The following ITGA4 variants were observed in gnomAD, a reference collection of about 807,000 sequenced individuals.
ITGA4 encodes integrin alpha-4.
A neutral mutation model predicts 133.6 loss-of-function variants in ITGA4; 63 were observed. The observed-to-expected ratio is 0.47, with a 90% CI of 0.38 to 0.58. The LOEUF is 0.58. Among genes scored for constraint, ITGA4 ranks in the 20% least tolerant of loss-of-function variants. The pLI, the probability that ITGA4 is intolerant of heterozygous loss-of-function variation, is 0.00. For missense variants in ITGA4, 1,076 were observed against 1,252.7 expected, an observed-to-expected ratio of 0.86 and a Z score of 2.13; for synonymous variants, 483 against 438.0, an observed-to-expected ratio of 1.10 and a Z score of -1.28.
rs1559033326 is a variant in ITGA4, at chr2:181,457,767, CTG to C, written c.114_115del (p.Ser40ArgfsTer68). The C allele has an allele frequency of 6.2e-7, 1 of 1,613,706 alleles. No homozygotes were observed. Among genetic ancestry groups the C allele is most frequent in the East Asian group, 2.2e-5 (1 of 44,860 alleles). ...ACCGGCCGCCCCTACAACGTGGACA[CTG>C]AGAGCGCGCTGCTTTACCAGGGCCC... is the stretch of plus-strand genomic sequence containing the variant. On this transcript the variant is annotated frameshift_variant, in exon 1 of 28. Coordinates refer to ENST00000397033, the MANE Select transcript of ITGA4 (RefSeq NM_000885.6). LOFTEE classifies it high-confidence loss of function.
At chr2:181,533,611 T>C (rs1686991777) in intron 25 of ITGA4, among the ~76,000 whole-genome samples, 1 of 152,166 alleles carries the variant, frequency 6.6e-6, no homozygotes, top group Non-Finnish European at 1.5e-5. Context: ...GACTGTCCCT[T>C]AGGTGATAAA....
At chr2:181,534,557 C>G (rs1267228052) in intron 26 of ITGA4, among the ~76,000 whole-genome samples, 187 bp downstream of exon 26, 2 of 152,020 alleles carry the variant, frequency 1.3e-5, no homozygotes, top group Non-Finnish European at 2.9e-5. Flanking sequence ...TACAGCAGTT[C>G]TTTCAGAGAG....
rs1559062444 is a variant in ITGA4 at position 181,536,937 on chromosome 2, T to C, written c.*1410T>C. ...AAAACAATTCTGGGAAAGATTTCTT[T>C]ATATGAAGTCCCTGCCACTAGCCAG... On this transcript the variant is annotated 3_prime_UTR_variant, in exon 28 of 28. Coordinates refer to ENST00000397033, the MANE Select transcript of ITGA4 (RefSeq NM_000885.6). 3 of 453,638 alleles carry C rather than the reference T, an allele frequency of 6.6e-6. 1 individual carries two copies. The Admixed American group carries it at 7.1e-5, about 11-fold the overall frequency. 28.1% of individuals were successfully genotyped at this position (453,638 alleles called of 1,614,324 possible). A position where few individuals can be genotyped will look rare whatever the true frequency, so the allele number is the denominator to read the frequency against.
Position 181,537,326 on chromosome 2 carries a change from A to ACTATGGTTGT in ITGA4, c.*1801_*1810dup, listed in dbSNP as rs1456639535. The ACTATGGTTGT allele has an allele frequency of 1.1e-5, 5 of 453,810 alleles. No individual in the cohort carries two copies. The highest frequency in any genetic ancestry group is 2.2e-5 in the Non-Finnish European group (5 of 226,698). 28.1% of individuals were successfully genotyped at this position (453,810 alleles called of 1,614,324 possible). A position where few individuals can be genotyped will look rare whatever the true frequency, so the allele number is the denominator to read the frequency against. On this transcript the variant is annotated 3_prime_UTR_variant, in exon 28 of 28. Coordinates refer to ENST00000397033, the MANE Select transcript of ITGA4 (RefSeq NM_000885.6). The stretch of plus-strand genomic sequence containing the variant: ...TATCTGAGCACAGTGAAAGCAGAGT[A>ACTATGGTTGT]CTATGGTTGTCCAACACAGGCCTCT...
intron 2 of ITGA4, among the ~76,000 whole-genome samples, chr2:181,467,097 A>G (rs961462566): frequency 6.6e-6 from 1 of 152,184 alleles, no homozygotes; most frequent in Non-Finnish European, 1.5e-5. Context: ...AATATCTTGA[A>G]TGAATGACTC....
intron 21 of ITGA4, 134 bp from the exon 22 acceptor site, chr2:181,527,162 TG>T: frequency 1.8e-6 from 1 of 544,060 alleles, no homozygotes; most frequent in East Asian, 3.2e-5. Context: ...TTAAATAAAA[TG>T]TATATCTGAC....
At chr2:181,480,089 G>T in intron 5 of ITGA4, 48 bp from the exon 6 acceptor site, 1 of 1,402,592 alleles carries the variant, frequency 7.1e-7, no homozygotes, top group South Asian at 1.4e-5. Context: ...GGAGGTTTGG[G>T]GTGGTGAGAT....
Position 181,538,411 on chromosome 2 carries a change from A to T in ITGA4, c.*2884A>T, listed in dbSNP as rs1026519120. Reference sequence around the variant, plus strand: ...AGAAGGTCTGATTGATAAATCATCAACAACAATAATTGCTCTAAAACCTCC... The same window carrying T: ...AGAAGGTCTGATTGATAAATCATCATCAACAATAATTGCTCTAAAACCTCC... On this transcript the variant is annotated 3_prime_UTR_variant, in exon 28 of 28. Coordinates refer to ENST00000397033, the MANE Select transcript of ITGA4 (RefSeq NM_000885.6). 6.6e-6 allele frequency among the ~76,000 whole-genome samples: 1 copy of T among 152,166 alleles called. No homozygotes were observed. Among genetic ancestry groups the T allele is most frequent in the Non-Finnish European group, 1.5e-5 (1 of 68,022 alleles).
chr2:181,483,268 A>G (rs1685844965), intron 9 of ITGA4, among the ~76,000 whole-genome samples: 1 of 152,220 alleles, frequency 6.6e-6, no homozygotes, highest in African/African-American at 2.4e-5. Context: ...TTTGTGGTAG[A>G]AACTGACCAC....
intron 1 of ITGA4, 33 bp from the exon 2 acceptor site, chr2:181,458,163 C>T (rs775380582): frequency 2.3e-5 from 37 of 1,613,444 alleles, no homozygotes; most frequent in Admixed American, 6.7e-5. Context: ...GCACAGCTCA[C>T]GTCTGAGCGC....
intron 10 of ITGA4, among the ~76,000 whole-genome samples, chr2:181,488,063 A>G (rs1422890071): frequency 6.6e-6 from 1 of 152,256 alleles, no homozygotes; most frequent in African/African-American, 2.4e-5. Flanking sequence ...GAATGTGAAA[A>G]GTATATGTAT....
intron 2 of ITGA4, among the ~76,000 whole-genome samples, chr2:181,462,951 A>T (rs1685322325): frequency 6.6e-6 from 1 of 152,210 alleles, no homozygotes; most frequent in Non-Finnish European, 1.5e-5. Flanking sequence ...ATACAAAAGA[A>T]ACATACTCCT....
intron 2 of ITGA4, 51 bp from the exon 3 acceptor site, chr2:181,474,909 T>A (rs1311911709): frequency 1.4e-6 from 2 of 1,421,828 alleles, no homozygotes; most frequent in Non-Finnish European, 2.0e-6. Flanking sequence ...TTTCTCTTCT[T>A]TTGTAGAATG....
intron 17 of ITGA4, among the ~76,000 whole-genome samples, chr2:181,520,733 G>A (rs1686701731): frequency 6.6e-6 from 1 of 152,046 alleles, no homozygotes; most frequent in Non-Finnish European, 1.5e-5. Context: ...TTGCCCGTTT[G>A]TGTATCTTTT....
At chr2:181,519,406 G>A (rs1686672888) in intron 17 of ITGA4, among the ~76,000 whole-genome samples, 1 of 151,966 alleles carries the variant, frequency 6.6e-6, no homozygotes, top group African/African-American at 2.4e-5. Context: ...ATATTGAGCT[G>A]TACAATCAGG....
Position 181,538,290 on chromosome 2 carries a change from C to G in ITGA4, c.*2763C>G. Reference sequence around the variant, plus strand: ...TTCATCAACTTATTTTGTTGTTTTTCACATACACCTAATAAGTATGGTACA... The same window carrying G: ...TTCATCAACTTATTTTGTTGTTTTTGACATACACCTAATAAGTATGGTACA... On this transcript the variant is annotated 3_prime_UTR_variant, in exon 28 of 28. Coordinates refer to ENST00000397033, the MANE Select transcript of ITGA4 (RefSeq NM_000885.6). 1.8e-6 allele frequency: 2 copies of G among 1,111,480 alleles called. No homozygotes were observed. The highest frequency in any genetic ancestry group is 2.5e-5 in the South Asian group (2 of 79,516). 68.9% of individuals were successfully genotyped at this position (1,111,480 alleles called of 1,614,324 possible). A position where few individuals can be genotyped will look rare whatever the true frequency, so the allele number is the denominator to read the frequency against.
intron 2 of ITGA4, among the ~76,000 whole-genome samples, chr2:181,468,346 T>A (rs1180484580): frequency 6.6e-6 from 1 of 152,170 alleles, no homozygotes; most frequent in East Asian, 1.9e-4. Flanking sequence ...AAAGCTTAGA[T>A]CTCTGAGAGT....
intron 10 of ITGA4, chr2:181,486,370 C>G (rs897971698): frequency 6.4e-5 from 11 of 171,834 alleles, no homozygotes; most frequent in African/African-American, 9.6e-5. Flanking sequence ...TTATCATAGA[C>G]TCATTGGACC....
At chr2:181,507,388 G>A (rs1686414799) in intron 15 of ITGA4, among the ~76,000 whole-genome samples, 1 of 152,054 alleles carries the variant, frequency 6.6e-6, no homozygotes, top group African/African-American at 2.4e-5. Flanking sequence ...GGTTACTTTA[G>A]TAGTAAAATC....
Sources: gnomAD v4.1 joint callset for allele counts (sites outside exome capture counted in the v4.1 genomes callset) on GRCh38, gnomAD v4.1.1 for gene constraint, MANE v1.5 for transcripts, NCBI Gene and HGNC (gene_info 2026-07-23, HGNC 2026-07-21) for gene names.